CEP126: variants seen among roughly 807,000 people sequenced by gnomAD.
CEP126 encodes the protein centrosomal protein 126.
CEP126 carries 74 observed loss-of-function variants against 107.8 expected under a neutral mutation model. That is an observed-to-expected ratio of 0.69 (90% CI 0.57 to 0.83). CEP126 has a LOEUF of 0.83. Ranked by LOEUF, CEP126 falls within the 40% of genes least tolerant of loss-of-function variation. The pLI is 0.00. For synonymous variants in CEP126, 449 were observed against 446.0 expected (o/e 1.01, Z -0.08); for missense variants, 1,237 against 1,281.9 (o/e 0.96, Z 0.53).
chr11:101,985,427 C>T (rs1189383497), intron 8 of CEP126, among the ~76,000 whole-genome samples: 2 of 151,974 alleles, frequency 1.3e-5, no homozygotes, highest in African/African-American at 2.4e-5. Flanking sequence ...GGATGACAGG[C>T]GTATGCCACC....
chr11:101,952,970 A>C (rs1940832005), intron 4 of CEP126, among the ~76,000 whole-genome samples: 1 of 152,212 alleles, frequency 6.6e-6, no homozygotes, highest in Non-Finnish European at 1.5e-5. Context: ...TCCTTATAGA[A>C]GGCCACAAGA....
intron 4 of CEP126, among the ~76,000 whole-genome samples, 197 bp from the exon 5 acceptor site, chr11:101,957,971 G>C (rs953668960): frequency 1.3e-5 from 2 of 152,120 alleles, no homozygotes; most frequent in African/African-American, 4.8e-5. Flanking sequence ...TGGTACTTTA[G>C]TCTCACAACT....
rs145218276 is a variant in CEP126, at chr11:101,932,636, T to G, written c.248+9876T>G. 2.0e-5 allele frequency among the ~76,000 whole-genome samples: 3 copies of G among 152,288 alleles called. No homozygotes were observed. The East Asian group carries it at 5.8e-4, about 29-fold the overall frequency. Reference sequence around the variant, plus strand: ...CAATTCAGGACCTTTGCACACTGTTTCTGCCTAGAGCACTTTTTTTCCCCA... The same window carrying G: ...CAATTCAGGACCTTTGCACACTGTTGCTGCCTAGAGCACTTTTTTTCCCCA... On this transcript the variant is annotated intron_variant, in intron 2 of 10. Transcript: ENST00000263468.
intron 4 of CEP126, among the ~76,000 whole-genome samples, chr11:101,954,915 C>A (rs1230759128): frequency 6.6e-6 from 1 of 152,018 alleles, no homozygotes; most frequent in Non-Finnish European, 1.5e-5. Flanking sequence ...AAACTACTAT[C>A]ACATTAAAAA....
chr11:101,924,756 GT>G (rs1243576633), intron 2 of CEP126, among the ~76,000 whole-genome samples: 15 of 148,806 alleles, frequency 1.0e-4, no homozygotes, highest in African/African-American at 3.0e-4. Context: ...GTGGTTTTGG[GT>G]TTTTTTTTTA....
chr11:101,956,143 T>C, intron 4 of CEP126: 1 of 456,644 alleles, frequency 2.2e-6, no homozygotes, highest in Non-Finnish European at 4.4e-6. Flanking sequence ...CAATCATTCC[T>C]GACCCTGAGT....
intron 2 of CEP126, among the ~76,000 whole-genome samples, chr11:101,924,594 T>G (rs1256443702): frequency 6.6e-6 from 1 of 152,138 alleles, no homozygotes; most frequent in Non-Finnish European, 1.5e-5. Context: ...ACCCCCCGAA[T>G]AGCTGGGATT....
chr11:101,972,190 G>A (rs1029484358), intron 6 of CEP126, among the ~76,000 whole-genome samples: 1 of 152,012 alleles, frequency 6.6e-6, no homozygotes, highest in Non-Finnish European at 1.5e-5. Flanking sequence ...CACTTTGAGG[G>A]CCGAGGCGGG....
In CEP126 at chr11:101,963,076, G is replaced by A. The variant is rs1222290904; in HGVS notation, c.2041G>A (p.Val681Ile). The change falls in exon 6 of 11, where the codon GTA becomes ATA. Residue 681 changes from valine (V) to isoleucine (I), a missense_variant. By Grantham distance (29) the Val-to-Ile change is conservative. Coordinates refer to ENST00000263468, the MANE Select transcript of CEP126 (RefSeq NM_020802.4). Reference sequence around the variant, plus strand: ...CATAATTAGTGTTTCTACTTGTGCTGTAAATTCTGCTGATACAAAGAAGTC... The same window carrying A: ...CATAATTAGTGTTTCTACTTGTGCTATAAATTCTGCTGATACAAAGAAGTC... ...SNIISVSTCAVNSADTKKSRE... is the reference protein window; with the variant it reads ...SNIISVSTCAINSADTKKSRE... The A allele has an allele frequency of 6.8e-6, 11 of 1,613,986 alleles. No homozygotes were observed. The Admixed American group carries it at 8.3e-5, about 12-fold the overall frequency.
rs577775962 is a variant in CEP126, at chr11:101,992,417, A to G, written c.3245-361A>G. On this transcript the variant is annotated intron_variant, in intron 9 of 10. Transcript: ENST00000263468. ...AAGTGACTCAATTTTTTATGCCTCAATAACTAAATAAACATCTCTTTTTTT... is the reference window on the plus strand; with the variant it reads ...AAGTGACTCAATTTTTTATGCCTCAGTAACTAAATAAACATCTCTTTTTTT... 3.3e-4 allele frequency among the ~76,000 whole-genome samples: 50 copies of G among 152,226 alleles called. 2 individuals carry two copies. The South Asian group carries it at 5.8e-3, about 18-fold the overall frequency.
Position 101,997,637 on chromosome 11 carries a change from G to A in CEP126, c.3348G>A (p.Lys1116=). ...ATAGAACCAGCAGCTGCAGAGACAA[G>A]AGATAATTCCAGCAGAATCCGTCTA... ...REDRTSSCRD[K]R Residue 1116 remains lysine (K), a synonymous_variant, in exon 11 of 11, where the codon AAG becomes AAA. Transcript: ENST00000263468. 6.2e-7 allele frequency: 1 copy of A among 1,613,838 alleles called. No homozygotes were observed. The highest frequency in any genetic ancestry group is 8.5e-7 in the Non-Finnish European group (1 of 1,179,844).
chr11:101,950,865 A>T (rs551813183), intron 4 of CEP126, among the ~76,000 whole-genome samples: 1 of 152,232 alleles, frequency 6.6e-6, no homozygotes, highest in African/African-American at 2.4e-5. Flanking sequence ...TCCTGTAACC[A>T]GTGCGGAGCC....
intron 4 of CEP126, among the ~76,000 whole-genome samples, chr11:101,953,331 A>G (rs571038303): frequency 1.9e-4 from 29 of 152,344 alleles, no homozygotes; most frequent in African/African-American, 7.0e-4. Context: ...AAATCCTACT[A>G]ATTATCCAGA....
At chr11:101,931,488 A>T (rs1415715632) in intron 2 of CEP126, among the ~76,000 whole-genome samples, 1 of 152,196 alleles carries the variant, frequency 6.6e-6, no homozygotes, top group Non-Finnish European at 1.5e-5. Context: ...TAGTTCTATT[A>T]TAGGCATATT....
At chr11:101,976,668 T>A (rs1295319809) in intron 6 of CEP126, among the ~76,000 whole-genome samples, 2 of 152,252 alleles carry the variant, frequency 1.3e-5, no homozygotes, top group Non-Finnish European at 2.9e-5. Flanking sequence ...ATATGCATCA[T>A]CATTACTTTA....
intron 2 of CEP126, among the ~76,000 whole-genome samples, chr11:101,938,159 C>CAAAA (rs1491167740): frequency 0.089 from 3,462 of 39,112 alleles, 465 homozygotes; most frequent in East Asian, 0.46. Context: ...GACTCTGTCT[C>CAAAA]AAAAAAAAAA....
At position 101,962,577 on chromosome 11, in the gene CEP126, G is replaced by A. The variant is rs571404821; in HGVS notation, c.1542G>A (p.Glu514=). Residue 514 remains glutamate (E), a synonymous_variant, in exon 6 of 11, where the codon GAG becomes GAA. Transcript: ENST00000263468. ...EIKYFNCNKE[E]LPLFSDSFQD... is the part of the protein sequence containing the mutation. ...AATATTTTAATTGCAATAAGGAAGAGTTGCCTTTATTTTCAGACAGTTTTC... is the reference window on the plus strand; with the variant it reads ...AATATTTTAATTGCAATAAGGAAGAATTGCCTTTATTTTCAGACAGTTTTC... 1.2e-6 allele frequency: 2 copies of A among 1,613,548 alleles called. No homozygotes were observed. The highest frequency in any genetic ancestry group is 1.7e-5 in the Admixed American group (1 of 59,952).
In CEP126 at chr11:101,938,070, G is replaced by T. The variant is rs375991682; in HGVS notation, c.249-6195G>T. Among the ~76,000 whole-genome samples, 561 of 149,210 alleles carry T rather than the reference G, an allele frequency of 3.8e-3. 4 individuals carry two copies. The highest frequency in any genetic ancestry group is 0.013 in the African/African-American group (534 of 40,832). Reference sequence around the variant, plus strand: ...CGGGAGGCTGAGGCAGGAGAATGGCGTGAACCCGGGAAGCGGAGCTTGCAG... The same window carrying T: ...CGGGAGGCTGAGGCAGGAGAATGGCTTGAACCCGGGAAGCGGAGCTTGCAG... On this transcript the variant is annotated intron_variant, in intron 2 of 10. Coordinates refer to ENST00000263468, the MANE Select transcript of CEP126 (RefSeq NM_020802.4).
chr11:101,937,981 G>A (rs1014219165), intron 2 of CEP126, among the ~76,000 whole-genome samples: 4 of 150,508 alleles, frequency 2.7e-5, no homozygotes, highest in Non-Finnish European at 4.4e-5. Flanking sequence ...GTGAAACCCC[G>A]TCTCTACTAA....
Sources: allele counts gnomAD v4.1 joint callset (sites outside exome capture counted in the v4.1 genomes callset), GRCh38; gene constraint gnomAD v4.1.1; transcripts MANE v1.5; gene names NCBI Gene and HGNC (gene_info 2026-07-23, HGNC 2026-07-21).